Variants in HSDL1 observed in about 807,000 individuals in gnomAD.
HSDL1 encodes the protein inactive hydroxysteroid dehydrogenase-like protein 1.
HSDL1 carries 29 observed loss-of-function variants against 31.5 expected under a neutral mutation model. That is an observed-to-expected ratio of 0.92 (90% CI 0.69 to 1.26). HSDL1 has a LOEUF of 1.26. HSDL1 is among the 50% of genes most tolerant of loss of function. The pLI is 0.00. For missense variants in HSDL1, 503 were observed against 416.6 expected, an observed-to-expected ratio of 1.21 and a Z score of -1.81; for synonymous variants, 222 against 155.2, an observed-to-expected ratio of 1.43 and a Z score of -3.20.
At chr16:84,133,627 G>A (rs1438693438) in intron 2 of HSDL1, among the ~76,000 whole-genome samples, 1 of 152,134 alleles carries the variant, frequency 6.6e-6, no homozygotes, top group African/African-American at 2.4e-5. Context: ...CTACTTGGGA[G>A]GCTGAGGCAC....
At chr16:84,136,631 C>T (rs988343594) in intron 1 of HSDL1, among the ~76,000 whole-genome samples, 7 of 152,366 alleles carry the variant, frequency 4.6e-5, no homozygotes, top group African/African-American at 1.7e-4. Context: ...GCACCCACTG[C>T]AGAGGTGAGT....
intron 1 of HSDL1, among the ~76,000 whole-genome samples, chr16:84,136,858 AC>A (rs1455594394): frequency 1.3e-5 from 2 of 152,114 alleles, no homozygotes; most frequent in Non-Finnish European, 2.9e-5. Context: ...ATGGATAGAA[AC>A]CCAAGTTCTT....
chr16:84,144,664 C>T (rs1002358682), intron 1 of HSDL1, among the ~76,000 whole-genome samples: 2 of 151,610 alleles, frequency 1.3e-5, no homozygotes, highest in South Asian at 2.1e-4. Context: ...TGGGGCCGCT[C>T]GGGGGAGGAG....
In HSDL1 at chr16:84,123,812, T is replaced by G. The variant is rs533960499; in HGVS notation, c.*818A>C. 6.6e-6 allele frequency: 1 copy of G among 152,418 alleles called. No individual in the cohort carries two copies. Among genetic ancestry groups the G allele is most frequent in the South Asian group, 2.1e-4 (1 of 4,830 alleles). The allele number at this position is 152,418 out of a possible 1,614,324, so 9.4% of individuals were successfully genotyped here. On this transcript the variant is annotated 3_prime_UTR_variant, in exon 6 of 6. Coordinates refer to ENST00000219439, the MANE Select transcript of HSDL1 (RefSeq NM_031463.5). ...ATTGCCTTATAAATCAAAAGATGAC[T>G]GCAGGTTTCTCTTACATATCCAAAT...
intron 1 of HSDL1, among the ~76,000 whole-genome samples, chr16:84,136,109 C>T (rs966239889): frequency 2.6e-5 from 4 of 152,304 alleles, no homozygotes; most frequent in East Asian, 1.9e-4. Context: ...CACATTGCCA[C>T]GGGCTGCCCT....
intron 1 of HSDL1, among the ~76,000 whole-genome samples, chr16:84,137,124 C>A (rs1467659299): frequency 1.3e-5 from 2 of 152,298 alleles, no homozygotes; most frequent in East Asian, 1.9e-4. Flanking sequence ...CCGTGCCACC[C>A]GGTATACACA....
At position 84,130,357 on chromosome 16, in the gene HSDL1, G is replaced by A. The variant is rs771834957; in HGVS notation, c.295C>T (p.Arg99Trp). 1.1e-5 allele frequency: 18 copies of A among 1,614,080 alleles called. No homozygotes were observed. The highest frequency in any genetic ancestry group is 4.4e-5 in the South Asian group (4 of 91,056). Reference sequence around the variant, plus strand: ...ACAACCTGCAACTTCTCCTCGTTCCGACTAATCAGGATTATATTGAGACCT... The same window carrying A: ...ACAACCTGCAACTTCTCCTCGTTCCAACTAATCAGGATTATATTGAGACCT... ...SRGLNIILIS[R>W]NEEKLQVVAK... The change falls in exon 4 of 6, where the codon CGG (arginine) becomes TGG (tryptophan). Residue 99 changes from arginine (R) to tryptophan (W), a missense_variant. By Grantham distance (101) the Arg-to-Trp change is moderately radical. Transcript: ENST00000219439.
chr16:84,136,487 G>C (rs1237995622), intron 1 of HSDL1, among the ~76,000 whole-genome samples: 1 of 152,258 alleles, frequency 6.6e-6, no homozygotes, highest in Admixed American at 6.5e-5. Flanking sequence ...GCAGCTCACA[G>C]GCAGTCTTCC....
At chr16:84,141,590 C>A (rs2151192723) in intron 1 of HSDL1, among the ~76,000 whole-genome samples, 1 of 152,358 alleles carries the variant, frequency 6.6e-6, no homozygotes, top group East Asian at 1.9e-4. Flanking sequence ...AATGCTTTTG[C>A]AAAGCGGCAG....
intron 1 of HSDL1, among the ~76,000 whole-genome samples, chr16:84,137,832 A>G (rs2086726299): frequency 6.6e-6 from 1 of 152,250 alleles, no homozygotes; most frequent in Non-Finnish European, 1.5e-5. Context: ...TTTATCACAC[A>G]TTTAAGCCTA....
chr16:84,129,317 T>A, intron 5 of HSDL1, among the ~76,000 whole-genome samples: 1 of 152,004 alleles, frequency 6.6e-6, no homozygotes, highest in East Asian at 1.9e-4. Flanking sequence ...GAGGCGGAGC[T>A]TGCAGTGAGC....
chr16:84,130,496 A>C, intron 3 of HSDL1, 65 bp from the exon 4 acceptor site: 1 of 1,338,898 alleles, frequency 7.5e-7, no homozygotes, highest in East Asian at 2.3e-5. Flanking sequence ...AATGGACCCA[A>C]AGTACCCCCT....
chr16:84,143,241 A>G (rs1441017833), intron 1 of HSDL1, among the ~76,000 whole-genome samples: 1 of 152,266 alleles, frequency 6.6e-6, no homozygotes, highest in Non-Finnish European at 1.5e-5. Flanking sequence ...ATGTGGTGTT[A>G]TCCACACAAA....
chr16:84,130,415 A>T lies in HSDL1; in HGVS notation c.237T>A (p.Ile79=). Residue 79 remains isoleucine (I), a synonymous_variant, in exon 4 of 6, where the codon ATT becomes ATA. Coordinates refer to ENST00000219439, the MANE Select transcript of HSDL1 (RefSeq NM_031463.5). The part of the protein sequence containing the change: ...WAVVSGATDG[I]GKAYAEELAS... ...CTAACTCTTCAGCGTAGGCTTTTCCAATCCCATCTGTTGCACCTAGGATGC... is the reference window on the plus strand; with the variant it reads ...CTAACTCTTCAGCGTAGGCTTTTCCTATCCCATCTGTTGCACCTAGGATGC... 6 of 1,609,680 alleles carry T rather than the reference A, an allele frequency of 3.7e-6. No individual in the cohort carries two copies. The highest frequency in any genetic ancestry group is 5.1e-6 in the Non-Finnish European group (6 of 1,178,122).
intron 1 of HSDL1, among the ~76,000 whole-genome samples, chr16:84,141,270 T>G (rs964917585): frequency 6.6e-6 from 1 of 151,974 alleles, no homozygotes; most frequent in East Asian, 1.9e-4. Flanking sequence ...TATCTCACGG[T>G]TCAGATGCAC....
At position 84,130,198 on chromosome 16, in the gene HSDL1, C is replaced by T. The variant is rs533488568; in HGVS notation, c.454G>A (p.Val152Met). Residue 152 changes from valine to methionine, a missense_variant, in exon 4 of 6, where the codon GTG (valine) becomes ATG (methionine). Physicochemically the swap from Val to Met is conservative, Grantham distance 21. Transcript: ENST00000219439. ...DKDVGILVNN[V>M]GVFYPYPQYF... Reference sequence around the variant, plus strand: ...TGCGGGTAGGGATAAAACACACCCACGTTATTTACCAAGATGCCAACGTCT... The same window carrying T: ...TGCGGGTAGGGATAAAACACACCCATGTTATTTACCAAGATGCCAACGTCT... The T allele has an allele frequency of 3.1e-6, 5 of 1,614,064 alleles. No homozygotes were observed. Among genetic ancestry groups the T allele is most frequent in the Non-Finnish European group, 8.5e-7 (1 of 1,180,042 alleles).
intron 3 of HSDL1, 44 bp downstream of exon 3, chr16:84,131,058 T>A (rs765233099): frequency 6.8e-7 from 1 of 1,478,860 alleles, no homozygotes; most frequent in Non-Finnish European, 9.4e-7. Context: ...GAATAATGCA[T>A]CCGACTTCAC....
intron 5 of HSDL1, among the ~76,000 whole-genome samples, chr16:84,128,504 A>G (rs2086630543): frequency 6.6e-6 from 1 of 152,300 alleles, no homozygotes; most frequent in Non-Finnish European, 1.5e-5. Flanking sequence ...TGCTTCTTGA[A>G]AAAATTAGTC....
chr16:84,124,919 ACCCACCAATCACAACAAAT>A, intron 5 of HSDL1, 191 bp from the exon 6 acceptor site: 1 of 454,044 alleles, frequency 2.2e-6, no homozygotes, highest in Non-Finnish European at 4.0e-6. Flanking sequence ...CACAACAAAT[ACCCACCAATCACAACAAAT>A]ACCCACCAAT....
Sources: gnomAD v4.1 joint callset for allele counts (sites outside exome capture counted in the v4.1 genomes callset) on GRCh38, gnomAD v4.1.1 for gene constraint, MANE v1.5 for transcripts, NCBI Gene and HGNC (gene_info 2026-07-23, HGNC 2026-07-21) for gene names.